FNDC3A: variants seen among roughly 807,000 people sequenced by gnomAD.
The protein encoded by FNDC3A is fibronectin type III domain containing 3A.
A neutral mutation model predicts 148.9 loss-of-function variants in FNDC3A; 32 were observed. That is an observed-to-expected ratio of 0.21 (90% CI 0.16 to 0.29). FNDC3A has a LOEUF of 0.29. Ranked by LOEUF, FNDC3A falls within the 10% of genes least tolerant of loss-of-function variation. The pLI is 1.00. For synonymous variants in FNDC3A, 472 were observed against 473.6 expected, an observed-to-expected ratio of 1.00 and a Z score of 0.04; for missense variants, 1,191 against 1,452.8, an observed-to-expected ratio of 0.82 and a Z score of 2.93.
rs527640768 is a variant in FNDC3A at position 49,176,068 on chromosome 13, G to A, written c.1530+527G>A. ...GAAGCCAACTTGATCATGGTTTTTC[G>A]ATGTGCTGCTGGATTCAATTTGCCA... is the stretch of plus-strand genomic sequence containing the variant. On this transcript the variant is annotated intron_variant, in intron 13 of 25. Transcript: ENST00000492622. Among the ~76,000 whole-genome samples, 78 of 152,156 alleles carry A rather than the reference G, an allele frequency of 5.1e-4. 1 individual carries two copies. The highest frequency in any genetic ancestry group is 3.9e-4 in the East Asian group (2 of 5,172).
At chr13:49,069,025 A>G (rs1376021481) in intron 2 of FNDC3A, among the ~76,000 whole-genome samples, 1 of 152,170 alleles carries the variant, frequency 6.6e-6, no homozygotes, top group Non-Finnish European at 1.5e-5. Flanking sequence ...TTACTTATAT[A>G]ACAAACCTAC....
intron 3 of FNDC3A, among the ~76,000 whole-genome samples, chr13:49,101,555 C>CT (rs1407564810): frequency 6.6e-6 from 1 of 151,998 alleles, no homozygotes; most frequent in Admixed American, 6.6e-5. Context: ...TTATTATAAT[C>CT]TAACAGCAGC....
At chr13:49,195,958 C>CAGCT (rs1018765688) in intron 19 of FNDC3A, among the ~76,000 whole-genome samples, 30 of 151,910 alleles carry the variant, frequency 2.0e-4, no homozygotes, top group African/African-American at 6.3e-4. Context: ...CCCGTAGTCC[C>CAGCT]AGCTACTCAG....
intron 4 of FNDC3A, among the ~76,000 whole-genome samples, chr13:49,122,455 C>G (rs1246651110): frequency 4.6e-5 from 7 of 152,206 alleles, no homozygotes; most frequent in Non-Finnish European, 8.8e-5. Context: ...AGGATGCCCT[C>G]TCTCACCATT....
chr13:49,016,801 G>T (rs973548950), intron 2 of FNDC3A, among the ~76,000 whole-genome samples: 5 of 151,906 alleles, frequency 3.3e-5, no homozygotes, highest in Non-Finnish European at 7.4e-5. Flanking sequence ...GGTATGTTGC[G>T]TCTTTGTTCT....
At chr13:49,197,159 A>G (rs899718863) in intron 20 of FNDC3A, among the ~76,000 whole-genome samples, 169 bp downstream of exon 20, 16 of 152,246 alleles carry the variant, frequency 1.1e-4, no homozygotes, top group Non-Finnish European at 2.2e-4. Flanking sequence ...GAATTTGAGT[A>G]AGGTATATTT....
chr13:49,066,048 T>G (rs1288380462), intron 2 of FNDC3A, among the ~76,000 whole-genome samples: 1 of 152,200 alleles, frequency 6.6e-6, no homozygotes, highest in Non-Finnish European at 1.5e-5. Flanking sequence ...TAATAAGTAC[T>G]ATAGTACATT....
Position 49,055,448 on chromosome 13 carries a change from C to T in FNDC3A, c.100-19841C>T, listed in dbSNP as rs577423080. ...AAGGGAGGGTAATACATGCCTTATA[C>T]CCTCCTCCCTTTTGGAATTTAGGGG... is the stretch of plus-strand genomic sequence containing the variant. On this transcript the variant is annotated intron_variant, in intron 2 of 25. Coordinates refer to ENST00000492622, the MANE Select transcript of FNDC3A (RefSeq NM_001079673.2). 2.0e-5 allele frequency among the ~76,000 whole-genome samples: 3 copies of T among 152,080 alleles called. No individual in the cohort carries two copies. In the South Asian group the frequency reaches 6.2e-4, roughly 32 times the overall value.
At chr13:49,185,658 C>G (rs1434619939) in intron 14 of FNDC3A, among the ~76,000 whole-genome samples, 5 of 152,112 alleles carry the variant, frequency 3.3e-5, no homozygotes, top group African/African-American at 1.2e-4. Context: ...ACAAAGCAAG[C>G]CTAAAGCCCA....
At chr13:49,197,104 A>G in intron 20 of FNDC3A, 114 bp downstream of exon 20, 1 of 511,064 alleles carries the variant, frequency 2.0e-6, no homozygotes, top group Admixed American at 3.9e-5. Context: ...AGTAAGCCCT[A>G]GTTTAATTCA....
chr13:49,027,805 TATC>T (rs1330939552), intron 2 of FNDC3A, among the ~76,000 whole-genome samples: 2 of 151,946 alleles, frequency 1.3e-5, no homozygotes, highest in African/African-American at 4.8e-5. Flanking sequence ...AAAGATATAA[TATC>T]ATGCATAAAA....
intron 3 of FNDC3A, among the ~76,000 whole-genome samples, chr13:49,109,216 G>T (rs1880391567): frequency 1.3e-5 from 2 of 152,100 alleles, no homozygotes; most frequent in African/African-American, 4.8e-5. Context: ...AAAACATGGT[G>T]ATCATACTTT....
intron 1 of FNDC3A, among the ~76,000 whole-genome samples, chr13:48,983,819 AATAG>A (rs1951739052): frequency 6.6e-6 from 1 of 152,234 alleles, no homozygotes; most frequent in South Asian, 2.1e-4. Flanking sequence ...CACTTTCATT[AATAG>A]ATAGGAACAC....
At position 49,059,136 on chromosome 13, in the gene FNDC3A, A is replaced by G. The variant is rs143654801; in HGVS notation, c.100-16153A>G. On this transcript the variant is annotated intron_variant, in intron 2 of 25. Coordinates refer to ENST00000492622, the MANE Select transcript of FNDC3A (RefSeq NM_001079673.2). ...GGAAAAGAATAGTCTTCAAGAAATG[A>G]TGATGCTAGGACAACTGGATATCCG... is the stretch of plus-strand genomic sequence containing the variant. Among the ~76,000 whole-genome samples, 237 of 152,368 alleles carry G rather than the reference A, an allele frequency of 1.6e-3. 2 individuals are homozygous for G. Among genetic ancestry groups the G allele is most frequent in the Non-Finnish European group, 2.6e-4 (18 of 68,030 alleles).
chr13:49,088,657 C>T (rs1453251896), intron 3 of FNDC3A, among the ~76,000 whole-genome samples: 1 of 152,124 alleles, frequency 6.6e-6, no homozygotes, highest in African/African-American at 2.4e-5. Context: ...CTCTTGATTG[C>T]CCTTCTACAG....
chr13:49,115,183 AGGG>A (rs11353117), intron 4 of FNDC3A, among the ~76,000 whole-genome samples: 2,901 of 133,812 alleles, frequency 0.022, 123 homozygotes, highest in African/African-American at 0.074. Context: ...CTGAGGGATG[AGGG>A]GGGGGGGGAA....
chr13:49,122,958 A>G (rs1266826564), intron 4 of FNDC3A, among the ~76,000 whole-genome samples: 1 of 152,186 alleles, frequency 6.6e-6, no homozygotes, highest in Admixed American at 6.5e-5. Flanking sequence ...TATCCCCATC[A>G]AGCTACCATT....
chr13:49,200,694 T>A (rs980379103), intron 23 of FNDC3A, among the ~76,000 whole-genome samples: 1 of 152,098 alleles, frequency 6.6e-6, no homozygotes. Context: ...AGAATTGTTA[T>A]GGGGTATGAA....
chr13:49,154,223 G>T (rs1322022286), intron 8 of FNDC3A, among the ~76,000 whole-genome samples: 11 of 149,614 alleles, frequency 7.4e-5, no homozygotes, highest in African/African-American at 2.7e-4. Flanking sequence ...TCTCCTTGAA[G>T]AGGTCCTTCA....
Sources: allele counts gnomAD v4.1 joint callset (sites outside exome capture counted in the v4.1 genomes callset), GRCh38; gene constraint gnomAD v4.1.1; transcripts MANE v1.5; gene names NCBI Gene and HGNC (gene_info 2026-07-23, HGNC 2026-07-21).